The following CRPPA variants were observed in gnomAD, a reference collection of about 807,000 sequenced individuals.
The protein encoded by CRPPA is D-ribitol-5-phosphate cytidylyltransferase.
A neutral mutation model predicts 52.0 loss-of-function variants in CRPPA; 43 were observed. The ratio of observed to expected loss-of-function variants is 0.83; its 90% CI spans 0.65 to 1.07. CRPPA has a LOEUF of 1.07. Among genes scored for constraint, CRPPA ranks in the 50% least tolerant of loss-of-function variants. The probability of loss-of-function intolerance (pLI) is 0.00; values close to 1 mark genes in which losing one functional copy is unlikely to be tolerated. For synonymous variants in CRPPA, 250 were observed against 203.5 expected (o/e 1.23, Z -1.94); for missense variants, 629 against 551.7 (o/e 1.14, Z -1.40).
In CRPPA at chr7:16,376,239, T is replaced by G. The variant is rs1348839106; in HGVS notation, c.537A>C (p.Ala179=). 1 of 1,597,548 alleles carries G rather than the reference T, an allele frequency of 6.3e-7. No homozygotes were observed. Among genetic ancestry groups the G allele is most frequent in the Non-Finnish European group, 8.5e-7 (1 of 1,173,912 alleles). The part of the protein sequence containing the change: ...KVVTAAKEHG[A]AGAIRPLVST... ...ATACAAGAGGTCGAATGGCTCCTGCTGCCTGAAGAACAAAGAGGCAAAGAA... is the reference window on the plus strand; with the variant it reads ...ATACAAGAGGTCGAATGGCTCCTGCGGCCTGAAGAACAAAGAGGCAAAGAA... Residue 179 remains alanine (A), a splice_region_variant and synonymous_variant, in exon 3 of 10, where the codon GCA becomes GCC. Coordinates refer to ENST00000407010, the MANE Select transcript of CRPPA (RefSeq NM_001101426.4).
Position 16,278,232 on chromosome 7 carries a change from ATT to A in CRPPA, c.836-8_836-7del. 1 of 1,462,618 alleles carries A rather than the reference ATT, an allele frequency of 6.8e-7. No homozygotes were observed. Among genetic ancestry groups the A allele is most frequent in the Non-Finnish European group, 9.3e-7 (1 of 1,073,742 alleles). 90.6% of individuals were successfully genotyped at this position (1,462,618 alleles called of 1,614,324 possible). ...AATCTCTTGGGAAATTCTCTCTGAA[ATT>A]AAAAAAAAAAAGTTTTAAGTTTCAA... is the stretch of plus-strand genomic sequence containing the variant. On this transcript the variant is annotated splice_region_variant and splice_polypyrimidine_tract_variant and intron_variant, in intron 5 of 9. Coordinates refer to ENST00000407010, the MANE Select transcript of CRPPA (RefSeq NM_001101426.4).
intron 8 of CRPPA, among the ~76,000 whole-genome samples, chr7:16,256,722 A>G (rs886843256): frequency 5.9e-5 from 9 of 152,180 alleles, no homozygotes; most frequent in African/African-American, 1.9e-4. Flanking sequence ...ATGAGAACAC[A>G]TGGACACAAG....
chr7:16,352,889 A>G (rs1786194084), intron 3 of CRPPA, among the ~76,000 whole-genome samples: 2 of 38,296 alleles, frequency 5.2e-5, no homozygotes, highest in Admixed American at 2.6e-4. Flanking sequence ...GCACACACAC[A>G]CACACACACA....
intron 3 of CRPPA, among the ~76,000 whole-genome samples, chr7:16,316,692 C>CA (rs1173910532): frequency 2.0e-5 from 3 of 151,844 alleles, no homozygotes; most frequent in South Asian, 2.1e-4. Context: ...CGATTCTCTA[C>CA]AAAAAAGGTA....
intron 8 of CRPPA, among the ~76,000 whole-genome samples, chr7:16,226,879 C>G (rs191103324): frequency 6.6e-6 from 1 of 151,900 alleles, no homozygotes; most frequent in Admixed American, 6.6e-5. Context: ...TACAATCAAT[C>G]TTTTATTCCT....
At chr7:16,127,556 T>C (rs759147799) in intron 9 of CRPPA, among the ~76,000 whole-genome samples, 3 of 152,008 alleles carry the variant, frequency 2.0e-5, no homozygotes, top group Non-Finnish European at 4.4e-5. Flanking sequence ...GTCCTAAAAA[T>C]TTCCATTCAC....
chr7:16,317,135 G>T (rs909528044), intron 3 of CRPPA, among the ~76,000 whole-genome samples: 2 of 152,134 alleles, frequency 1.3e-5, no homozygotes, highest in Non-Finnish European at 1.5e-5. Context: ...ATTACCAATT[G>T]ATTAAGAGCA....
intron 9 of CRPPA, among the ~76,000 whole-genome samples, chr7:16,179,422 T>G (rs1406157247): frequency 6.6e-6 from 1 of 151,916 alleles, no homozygotes; most frequent in Admixed American, 6.6e-5. Context: ...ATGAGAAGGT[T>G]ATCCTGGATT....
intron 9 of CRPPA, among the ~76,000 whole-genome samples, chr7:16,114,869 C>T (rs1782338221): frequency 6.6e-6 from 1 of 151,220 alleles, no homozygotes. Flanking sequence ...GTCAAATCCA[C>T]AAGAAATTAA....
At chr7:16,312,651 C>T (rs1785058730) in intron 3 of CRPPA, among the ~76,000 whole-genome samples, 1 of 151,918 alleles carries the variant, frequency 6.6e-6, no homozygotes, top group Non-Finnish European at 1.5e-5. Flanking sequence ...GGAGGCACAT[C>T]CTTGCCTTGT....
intron 8 of CRPPA, among the ~76,000 whole-genome samples, chr7:16,254,144 T>C (rs960041863): frequency 5.3e-5 from 8 of 152,192 alleles, no homozygotes; most frequent in African/African-American, 1.9e-4. Flanking sequence ...TTGGTGGGAC[T>C]GTAAACTAGT....
chr7:16,262,489 T>C (rs1020696383), intron 6 of CRPPA, among the ~76,000 whole-genome samples: 21 of 152,316 alleles, frequency 1.4e-4, no homozygotes, highest in African/African-American at 3.1e-4. Context: ...CACTGAGTTC[T>C]TCTACAGAAC....
intron 9 of CRPPA, among the ~76,000 whole-genome samples, chr7:16,101,631 A>C (rs2128364100): frequency 6.6e-6 from 1 of 152,132 alleles, no homozygotes; most frequent in Non-Finnish European, 1.5e-5. Flanking sequence ...GTCTCGGGAT[A>C]GAAAATCAAT....
At chr7:16,384,726 C>T (rs10215782) in intron 2 of CRPPA, among the ~76,000 whole-genome samples, 2,334 of 151,782 alleles carry the variant, frequency 0.015, 53 homozygotes, top group African/African-American at 0.053. Context: ...AAAGACATCA[C>T]TAAAATAGGC....
chr7:16,384,851 G>T (rs1004889743), intron 2 of CRPPA, among the ~76,000 whole-genome samples: 1 of 152,138 alleles, frequency 6.6e-6, no homozygotes, highest in Non-Finnish European at 1.5e-5. Context: ...CTATGAGAAG[G>T]CCCCACCCAT....
intron 6 of CRPPA, among the ~76,000 whole-genome samples, chr7:16,261,452 T>C (rs1377171860): frequency 6.6e-6 from 1 of 152,074 alleles, no homozygotes; most frequent in Non-Finnish European, 1.5e-5. Flanking sequence ...TAGATTCTTA[T>C]TCTATTTTGT....
chr7:16,326,655 G>A (rs1042368168), intron 3 of CRPPA, among the ~76,000 whole-genome samples: 16 of 152,180 alleles, frequency 1.1e-4, no homozygotes, highest in African/African-American at 3.6e-4. Flanking sequence ...AAGAGATTCA[G>A]TACCTATCTA....
At chr7:16,278,701 C>T (rs1784260245) in intron 5 of CRPPA, among the ~76,000 whole-genome samples, 1 of 152,200 alleles carries the variant, frequency 6.6e-6, no homozygotes, top group African/African-American at 2.4e-5. Context: ...TCTAGATTTT[C>T]AATTCAGTAC....
At chr7:16,099,634 C>G (rs866937374) in intron 9 of CRPPA, among the ~76,000 whole-genome samples, 20 of 152,226 alleles carry the variant, frequency 1.3e-4, no homozygotes, top group Middle Eastern at 3.4e-3. Context: ...CTACAGTGCT[C>G]AGAGCCAGAT....
Sources: allele counts gnomAD v4.1 joint callset (sites outside exome capture counted in the v4.1 genomes callset), GRCh38; gene constraint gnomAD v4.1.1; transcripts MANE v1.5; gene names NCBI Gene and HGNC (gene_info 2026-07-23, HGNC 2026-07-21).